GYG2: variants seen among roughly 807,000 people sequenced by gnomAD.
The protein encoded by GYG2 is glycogenin-2.
Under a neutral mutation model 29.4 loss-of-function variants are expected in GYG2, and 29 were observed. That is an observed-to-expected ratio of 0.99 (90% CI 0.74 to 1.35). The LOEUF (loss-of-function observed/expected upper bound fraction) is 1.35, where lower values mean the gene tolerates loss of function less well. Among genes scored for constraint, GYG2 ranks in the 40% most tolerant of loss-of-function variants. GYG2 has a pLI of 0.00. For missense variants in GYG2, 370 were observed against 385.7 expected (o/e 0.96, Z 0.34); for synonymous variants, 167 against 172.3 (o/e 0.97, Z 0.24).
In GYG2 at chrX:2,882,136, CTT is replaced by C. The variant is rs2088731615; in HGVS notation, c.*925_*926del. On this transcript the variant is annotated 3_prime_UTR_variant, in exon 11 of 11. Coordinates refer to ENST00000398806, the MANE Select transcript of GYG2 (RefSeq NM_001079855.2). ...ATTCTCAGTTTTATGAGACGGGAAA[CTT>C]TATTTCACGAGAAAGCCTCATTGTC... 1 of 110,538 alleles carries C rather than the reference CTT, an allele frequency of 9.0e-6. No individual in the cohort carries two copies. Among genetic ancestry groups the C allele is most frequent in the African/African-American group, 3.3e-5 (1 of 30,344 alleles). 9.1% of individuals were successfully genotyped at this position (110,538 alleles called of 1,213,427 possible).
At chrX:2,835,515 CAAGAT>C (rs1242802243) in intron 2 of GYG2, among the ~76,000 whole-genome samples, 1 of 111,984 alleles carries the variant, frequency 8.9e-6, no homozygotes, top group Admixed American at 9.5e-5. Flanking sequence ...TTAAGCATCT[CAAGAT>C]AAGATTATCC....
intron 3 of GYG2, among the ~76,000 whole-genome samples, chrX:2,844,213 A>G (rs2087570728): frequency 8.9e-6 from 1 of 112,281 alleles, no homozygotes; most frequent in African/African-American, 3.2e-5. Flanking sequence ...AAATCCAGAC[A>G]TTAATAGCTA....
chrX:2,857,146 TTATC>T lies in GYG2; in HGVS notation c.614+533_614+536del, dbSNP rs1264009207. Among the ~76,000 whole-genome samples the T allele has an allele frequency of 6.6e-4, 72 of 108,650 alleles. 1 individual carries two copies. Among genetic ancestry groups the T allele is most frequent in the South Asian group, 8.3e-4 (2 of 2,424 alleles). 94.3% of individuals were successfully genotyped at this position (108,650 alleles called of 115,157 possible). On this transcript the variant is annotated intron_variant, in intron 6 of 10. Transcript: ENST00000398806. ...CTAATCTCTATATCTATGTAGATAT[TTATC>T]TATCTATCTAGACCTAGATGTCTAT... is the stretch of plus-strand genomic sequence containing the variant.
rs2088713185 is a variant in GYG2 at position 2,881,155 on chromosome X, A to G, written c.1355A>G (p.Tyr452Cys). 9.9e-6 allele frequency: 12 copies of G among 1,206,828 alleles called. No individual in the cohort carries two copies. The highest frequency in any genetic ancestry group is 1.3e-5 in the Non-Finnish European group (12 of 892,943). Reference protein sequence around the residue: ...RRKWEEGRIDYMGKDAFARIQ... With the variant: ...RRKWEEGRIDCMGKDAFARIQ... ...AAGTGGGAGGAAGGCCGTATCGACT[A>G]CATGGGGAAGGACGCGTTTGCTCGC... Residue 452 changes from tyrosine to cysteine, a missense_variant, in exon 11 of 11, where the codon TAC (tyrosine) becomes TGC (cysteine). Tyr to Cys is a radical substitution (Grantham distance 194). Coordinates refer to ENST00000398806, the MANE Select transcript of GYG2 (RefSeq NM_001079855.2).
At chrX:2,839,664 G>A (rs1239803881) in intron 2 of GYG2, among the ~76,000 whole-genome samples, 8 of 111,032 alleles carry the variant, frequency 7.2e-5, no homozygotes, top group Non-Finnish European at 1.3e-4. Context: ...GTCTCTTTTT[G>A]GGGTGATGAA....
chrX:2,868,867 A>G (rs2088376403), intron 8 of GYG2, among the ~76,000 whole-genome samples: 1 of 111,662 alleles, frequency 9.0e-6, no homozygotes, highest in African/African-American at 3.3e-5. Flanking sequence ...TTTTAACAAA[A>G]GGTATGTTGA....
At chrX:2,875,669 C>T (rs891968130) in intron 8 of GYG2, 141 bp from the exon 9 acceptor site, 9 of 451,693 alleles carry the variant, frequency 2.0e-5, no homozygotes, top group Middle Eastern at 3.6e-4. Flanking sequence ...GTGAGCATAT[C>T]ACCTTGCCCC....
intron 8 of GYG2, among the ~76,000 whole-genome samples, chrX:2,868,854 T>A (rs892073273): frequency 9.0e-5 from 10 of 111,323 alleles, no homozygotes; most frequent in Non-Finnish European, 1.7e-4. Flanking sequence ...AAAACAAAAC[T>A]CTTTTTAACA....
chrX:2,873,181 A>G (rs1021182459), intron 8 of GYG2, among the ~76,000 whole-genome samples: 2 of 111,846 alleles, frequency 1.8e-5, no homozygotes, highest in African/African-American at 6.5e-5. Flanking sequence ...CTCAGCAGCC[A>G]GCCATGAGCA....
At chrX:2,859,456 G>T (rs1454811023) in intron 6 of GYG2, among the ~76,000 whole-genome samples, 1 of 110,709 alleles carries the variant, frequency 9.0e-6, no homozygotes, top group East Asian at 2.8e-4. Flanking sequence ...TGAGTACTAT[G>T]TTGATAATAG....
At chrX:2,878,751 G>A (rs766523544) in intron 10 of GYG2, among the ~76,000 whole-genome samples, 134 of 112,399 alleles carry the variant, frequency 1.2e-3, no homozygotes, top group Non-Finnish European at 2.2e-3. Flanking sequence ...TTGACCTCCT[G>A]TGTGTCCACA....
chrX:2,871,720 A>G (rs1041738882), intron 8 of GYG2, among the ~76,000 whole-genome samples: 3 of 93,078 alleles, frequency 3.2e-5, no homozygotes, highest in Non-Finnish European at 6.5e-5. Context: ...AAATAAATAA[A>G]TAAATAAATA....
chrX:2,873,330 C>G (rs2088518374), intron 8 of GYG2, among the ~76,000 whole-genome samples: 1 of 107,606 alleles, frequency 9.3e-6, no homozygotes, highest in South Asian at 4.6e-4. Flanking sequence ...AGAAGAAGCC[C>G]ATATTTTATT....
chrX:2,851,528 G>T (rs1405597944), intron 3 of GYG2, among the ~76,000 whole-genome samples: 2 of 112,121 alleles, frequency 1.8e-5, no homozygotes, highest in East Asian at 5.6e-4. Flanking sequence ...ACAGGCATGA[G>T]CCCCTGTGCC....
chrX:2,846,040 T>TAC (rs2087717632), intron 3 of GYG2, among the ~76,000 whole-genome samples: 1 of 18,022 alleles, frequency 5.5e-5, no homozygotes, highest in Admixed American at 7.8e-4. Context: ...TATACACATA[T>TAC]ATATATATAT....
At chrX:2,869,998 G>A (rs1032684936) in intron 8 of GYG2, among the ~76,000 whole-genome samples, 5 of 111,211 alleles carry the variant, frequency 4.5e-5, no homozygotes, top group African/African-American at 1.3e-4. Context: ...ATACATTAAT[G>A]TATTAAGGAA....
chrX:2,858,407 A>G (rs925756066), intron 6 of GYG2, among the ~76,000 whole-genome samples: 2 of 111,464 alleles, frequency 1.8e-5, no homozygotes, highest in African/African-American at 6.5e-5. Flanking sequence ...TGGAGTTTGC[A>G]GTGAGCCGAG....
At chrX:2,867,356 CTG>C (rs201260884) in intron 8 of GYG2, among the ~76,000 whole-genome samples, 4,664 of 111,239 alleles carry the variant, frequency 0.042, 270 homozygotes, top group African/African-American at 0.15. Context: ...CATGAATAAA[CTG>C]TACATCACAG....
chrX:2,868,782 A>G (rs2088372775), intron 8 of GYG2, among the ~76,000 whole-genome samples: 1 of 111,190 alleles, frequency 9.0e-6, no homozygotes, highest in Non-Finnish European at 1.9e-5. Context: ...GCACACGTAT[A>G]CCCGTGTAAC....
Sources: gnomAD v4.1 joint callset for allele counts (sites outside exome capture counted in the v4.1 genomes callset) on GRCh38, gnomAD v4.1.1 for gene constraint, MANE v1.5 for transcripts, NCBI Gene and HGNC (gene_info 2026-07-23, HGNC 2026-07-21) for gene names.